SLC30A9: variants seen among roughly 807,000 people sequenced by gnomAD.
The protein encoded by SLC30A9 is solute carrier family 30 member 9, also known as proton-coupled zinc antiporter SLC30A9, mitochondrial.
SLC30A9 carries 58 observed loss-of-function variants against 87.5 expected under a neutral mutation model. That is an observed-to-expected ratio of 0.66 (90% CI 0.54 to 0.82). SLC30A9 has a LOEUF of 0.82. Ranked by LOEUF, SLC30A9 falls within the 40% of genes least tolerant of loss-of-function variation. The probability of loss-of-function intolerance (pLI) is 0.00; values close to 1 mark genes in which losing one functional copy is unlikely to be tolerated. For synonymous variants in SLC30A9, 234 were observed against 233.0 expected (o/e 1.00, Z -0.04); for missense variants, 557 against 679.1 (o/e 0.82, Z 2.00).
At chr4:42,001,570 G>T in intron 1 of SLC30A9, 46 bp from the exon 2 acceptor site, 1 of 1,296,578 alleles carries the variant, frequency 7.7e-7, no homozygotes, top group Non-Finnish European at 1.1e-6. Context: ...TAATTATGCA[G>T]CTAGGACTTG....
At chr4:42,062,374 C>G (rs1717892382) in intron 10 of SLC30A9, among the ~76,000 whole-genome samples, 1 of 151,700 alleles carries the variant, frequency 6.6e-6, no homozygotes, top group Admixed American at 6.6e-5. Flanking sequence ...TCAGTACTAA[C>G]AATAATACAA....
At chr4:42,028,997 A>T (rs1257654249) in intron 6 of SLC30A9, among the ~76,000 whole-genome samples, 1 of 152,250 alleles carries the variant, frequency 6.6e-6, no homozygotes, top group African/African-American at 2.4e-5. Flanking sequence ...AACAGTAGAT[A>T]CATTATTTGA....
chr4:42,016,189 T>C (rs1230879898), intron 2 of SLC30A9, among the ~76,000 whole-genome samples: 1 of 152,178 alleles, frequency 6.6e-6, no homozygotes, highest in East Asian at 1.9e-4. Context: ...GGACAGTACA[T>C]GGCACATGTT....
intron 12 of SLC30A9, among the ~76,000 whole-genome samples, chr4:42,065,653 G>A (rs562926684): frequency 6.6e-6 from 1 of 152,322 alleles, no homozygotes; most frequent in Admixed American, 6.5e-5. Flanking sequence ...CAGATAGATG[G>A]AAGACAGTAA....
chr4:42,045,274 C>A (rs1314143600), intron 8 of SLC30A9, among the ~76,000 whole-genome samples: 3 of 151,950 alleles, frequency 2.0e-5, no homozygotes, highest in Non-Finnish European at 4.4e-5. Flanking sequence ...AATCCAGGAG[C>A]TGGTTTTTTT....
chr4:42,080,321 G>A (rs904996300), intron 17 of SLC30A9, among the ~76,000 whole-genome samples: 4 of 152,268 alleles, frequency 2.6e-5, no homozygotes, highest in Admixed American at 6.5e-5. Context: ...AGAACTCACC[G>A]AATCATGTTA....
chr4:42,084,056 G>A (rs1168359122), intron 17 of SLC30A9, among the ~76,000 whole-genome samples: 1 of 152,066 alleles, frequency 6.6e-6, no homozygotes, highest in African/African-American at 2.4e-5. Context: ...ATATGCACAT[G>A]GTCCTAGGAT....
Position 42,031,018 on chromosome 4 carries a change from A to G in SLC30A9, c.611-4257A>G, listed in dbSNP as rs1414354532. Among the ~76,000 whole-genome samples the G allele has an allele frequency of 2.6e-5, 4 of 152,270 alleles. No homozygotes were observed. In the East Asian group the frequency reaches 7.7e-4, roughly 29 times the overall value. The stretch of plus-strand genomic sequence containing the variant: ...TTCATGGTGGAAGAATTTTTTATTT[A>G]TGCAGTTGTACAGTTTTATTTTTTT... On this transcript the variant is annotated intron_variant, in intron 6 of 17. Coordinates refer to ENST00000264451, the MANE Select transcript of SLC30A9 (RefSeq NM_006345.4).
At chr4:42,084,341 A>G (rs1197420318) in intron 17 of SLC30A9, among the ~76,000 whole-genome samples, 2 of 152,200 alleles carry the variant, frequency 1.3e-5, no homozygotes, top group Non-Finnish European at 2.9e-5. Context: ...CCTCTACGAT[A>G]GGTGTAGATT....
Position 42,058,720 on chromosome 4 carries a change from G to A in SLC30A9, c.841-1471G>A, listed in dbSNP as rs755125581. On this transcript the variant is annotated intron_variant, in intron 9 of 17. Coordinates refer to ENST00000264451, the MANE Select transcript of SLC30A9 (RefSeq NM_006345.4). Reference sequence around the variant, plus strand: ...AACACAAGAGAAGAGAGCTTGTGCGGGGAAACTCCCCTTTTTAAAACAATC... The same window carrying A: ...AACACAAGAGAAGAGAGCTTGTGCGAGGAAACTCCCCTTTTTAAAACAATC... Among the ~76,000 whole-genome samples the A allele has an allele frequency of 2.0e-5, 3 of 152,240 alleles. 1 individual carries two copies. The highest frequency in any genetic ancestry group is 6.8e-3 in the Middle Eastern group (2 of 294).
intron 1 of SLC30A9, among the ~76,000 whole-genome samples, chr4:41,997,274 A>G (rs1021108890): frequency 4.6e-5 from 7 of 152,016 alleles, no homozygotes; most frequent in Admixed American, 1.3e-4. Context: ...CTACATGATT[A>G]AGGATAAAAA....
At chr4:42,025,792 A>G (rs932914416) in intron 6 of SLC30A9, among the ~76,000 whole-genome samples, 6 of 151,986 alleles carry the variant, frequency 3.9e-5, no homozygotes, top group African/African-American at 1.5e-4. Flanking sequence ...CAGCCTCCCA[A>G]GTAGCTAGGA....
chr4:42,067,065 G>A lies in SLC30A9; in HGVS notation c.1145-20G>A, dbSNP rs1374967105. 2 of 1,469,868 alleles carry A rather than the reference G, an allele frequency of 1.4e-6. No individual in the cohort carries two copies. The highest frequency in any genetic ancestry group is 1.1e-5 in the South Asian group (1 of 87,068). The allele number at this position is 1,469,868 out of a possible 1,614,324, so 91.1% of individuals were successfully genotyped here. The stretch of plus-strand genomic sequence containing the variant: ...AAGATTTTAGAAATTTTCTTGTCTT[G>A]TCTCTTCCCCAATGACTAGTAATGG... On this transcript the variant is annotated intron_variant, in intron 13 of 17. Transcript: ENST00000264451.
chr4:42,030,436 C>G (rs185331092), intron 6 of SLC30A9, among the ~76,000 whole-genome samples: 1 of 152,176 alleles, frequency 6.6e-6, no homozygotes, highest in Non-Finnish European at 1.5e-5. Flanking sequence ...GTATTGCCTC[C>G]TATATTTTAT....
rs762594381 is a variant in SLC30A9, at chr4:42,023,342, G to A, written c.568G>A (p.Glu190Lys). The A allele has an allele frequency of 1.2e-6, 2 of 1,613,658 alleles. No individual in the cohort carries two copies. The highest frequency in any genetic ancestry group is 1.7e-5 in the Admixed American group (1 of 60,024). Residue 190 changes from glutamate to lysine, a missense_variant, in exon 6 of 18, where the codon GAG (glutamate) becomes AAG (lysine). Coordinates refer to ENST00000264451, the MANE Select transcript of SLC30A9 (RefSeq NM_006345.4). ...GGGAAGCCCTGAAGCTCTTGCCAGAGAGAAAAAATTGCGTAAGGAAGCAGA... is the reference window on the plus strand; with the variant it reads ...GGGAAGCCCTGAAGCTCTTGCCAGAAAGAAAAAATTGCGTAAGGAAGCAGA... ...VWGSPEALAR[E>K]KKLRKEAEIE...
rs558382474 is a variant in SLC30A9 at position 42,009,974 on chromosome 4, A to G, written c.275-8137A>G. ...AGAAATGGATGTGTAGGTTCTATAG[A>G]TAAAGATACTTTAGAATTTGCTTGC... On this transcript the variant is annotated intron_variant, in intron 2 of 17. Coordinates refer to ENST00000264451, the MANE Select transcript of SLC30A9 (RefSeq NM_006345.4). 8.5e-5 allele frequency among the ~76,000 whole-genome samples: 13 copies of G among 152,338 alleles called. 1 individual carries two copies.
At chr4:42,083,246 A>G (rs1052433488) in intron 17 of SLC30A9, among the ~76,000 whole-genome samples, 1 of 152,220 alleles carries the variant, frequency 6.6e-6, no homozygotes, top group Non-Finnish European at 1.5e-5. Flanking sequence ...AAAATAAATT[A>G]TGTAATTTGG....
In SLC30A9 at chr4:42,066,623, T is replaced by A; in HGVS notation, c.1144+2T>A. ...AAGGAATGTCATTTTACAAGTATGG[T>A]ATGTATTTTAGAAACCAAGTGTTTG... On this transcript the variant is annotated splice_donor_variant, in intron 13 of 17. Transcript: ENST00000264451. LOFTEE classifies it high-confidence loss of function. 6.2e-7 allele frequency: 1 copy of A among 1,600,034 alleles called. No individual in the cohort carries two copies. The highest frequency in any genetic ancestry group is 8.5e-7 in the Non-Finnish European group (1 of 1,169,834).
intron 15 of SLC30A9, among the ~76,000 whole-genome samples, chr4:42,072,816 T>C (rs1718366254): frequency 6.7e-6 from 1 of 149,286 alleles, no homozygotes; most frequent in Non-Finnish European, 1.5e-5. Context: ...TCTATCCTTT[T>C]TTTTTTTTTT....
Sources: allele counts gnomAD v4.1 joint callset (sites outside exome capture counted in the v4.1 genomes callset), GRCh38; gene constraint gnomAD v4.1.1; transcripts MANE v1.5; gene names NCBI Gene and HGNC (gene_info 2026-07-23, HGNC 2026-07-21).